The following ITGAM variants were observed in gnomAD, a reference collection of about 807,000 sequenced individuals.
The protein encoded by ITGAM is integrin subunit alpha M.
In ITGAM, 79 loss-of-function variants were observed where a neutral mutation model predicts 137.5. The ratio of observed to expected loss-of-function variants is 0.57; its 90% CI spans 0.48 to 0.69. The LOEUF (loss-of-function observed/expected upper bound fraction) is 0.69. ITGAM is among the 30% of genes least tolerant of loss of function. The pLI, the probability that ITGAM is intolerant of heterozygous loss-of-function variation, is 0.00. For synonymous variants in ITGAM, 583 were observed against 592.3 expected (o/e 0.98, Z 0.23); for missense variants, 1,343 against 1,483.5 (o/e 0.91, Z 1.56).
intron 14 of ITGAM, among the ~76,000 whole-genome samples, chr16:31,302,479 CTTTCTT>C (rs2080215383): frequency 8.5e-5 from 7 of 81,914 alleles, no homozygotes; most frequent in African/African-American, 3.6e-4. Context: ...TTCTTTCTTT[CTTTCTT>C]TTTTCTTTCC....
At chr16:31,265,225 T>A (rs2079750909) in intron 2 of ITGAM, among the ~76,000 whole-genome samples, 170 bp from the exon 3 acceptor site, 1 of 151,560 alleles carries the variant, frequency 6.6e-6, no homozygotes, top group African/African-American at 2.4e-5. Flanking sequence ...TTTCTCATTC[T>A]GAGTCTTAAC....
chr16:31,311,333 C>T (rs2080328165), intron 14 of ITGAM, among the ~76,000 whole-genome samples: 1 of 152,188 alleles, frequency 6.6e-6, no homozygotes, highest in African/African-American at 2.4e-5. Flanking sequence ...AAACTACCAT[C>T]AGAGTGAACA....
At chr16:31,265,597 C>T (rs1178019842) in intron 3 of ITGAM, 99 bp downstream of exon 3, 41 of 849,378 alleles carry the variant, frequency 4.8e-5, no homozygotes, top group Non-Finnish European at 6.8e-5. Context: ...GGTGGGGACA[C>T]AGGTGCCTGC....
At position 31,309,605 on chromosome 16, in the gene ITGAM, C is replaced by G. The variant is rs552717400; in HGVS notation, c.1708-11636C>G. ...CACTGATGGGTCTTGACTCTTTATCCAATTTGCCAGTCTGTGCCTTTTAAT... is the reference window on the plus strand; with the variant it reads ...CACTGATGGGTCTTGACTCTTTATCGAATTTGCCAGTCTGTGCCTTTTAAT... On this transcript the variant is annotated intron_variant, in intron 14 of 29. Transcript: ENST00000544665. Among the ~76,000 whole-genome samples the G allele has an allele frequency of 1.9e-3, 294 of 152,172 alleles. 6 individuals carry two copies. Among genetic ancestry groups the G allele is most frequent in the African/African-American group, 6.9e-3 (285 of 41,512 alleles).
intron 28 of ITGAM, among the ~76,000 whole-genome samples, 156 bp downstream of exon 28, chr16:31,330,761 CAG>C (rs1210353775): frequency 4.0e-5 from 6 of 150,914 alleles, no homozygotes; most frequent in South Asian, 2.1e-4. Flanking sequence ...GAGAGACAGA[CAG>C]AGACAGAGAG....
intron 23 of ITGAM, 174 bp from the exon 24 acceptor site, chr16:31,329,050 CTGTG>C (rs1213856599): frequency 1.7e-6 from 1 of 578,758 alleles, no homozygotes; most frequent in South Asian, 1.6e-5. Flanking sequence ...TGGGCACGCA[CTGTG>C]TGTCCAGCAC....
chr16:31,325,424 G>C lies in ITGAM; in HGVS notation c.2505+20G>C, dbSNP rs1252744562. On this transcript the variant is annotated intron_variant, in intron 20 of 29. Transcript: ENST00000544665. ...CTCCAGGTAGCCACATCCTTCTCAG[G>C]CTCTATCTGACCTTTGCTTCCCCAT... is the stretch of plus-strand genomic sequence containing the variant. 1 of 1,612,560 alleles carries C rather than the reference G, an allele frequency of 6.2e-7. No homozygotes were observed. The highest frequency in any genetic ancestry group is 1.7e-5 in the Admixed American group (1 of 59,926).
At chr16:31,316,110 C>G (rs1249960484) in intron 14 of ITGAM, among the ~76,000 whole-genome samples, 5 of 7,104 alleles carry the variant, frequency 7.0e-4, no homozygotes, top group Admixed American at 1.5e-3. Flanking sequence ...AGGAGAATGG[C>G]GTGAACCCGG....
intron 6 of ITGAM, among the ~76,000 whole-genome samples, chr16:31,271,414 G>A (rs1029765052): frequency 1.6e-4 from 25 of 152,194 alleles, no homozygotes; most frequent in African/African-American, 3.4e-4. Context: ...GTGCAGTGGT[G>A]TGATCTTGGC....
chr16:31,329,039 A>C, intron 23 of ITGAM, 189 bp from the exon 24 acceptor site: 1 of 646,296 alleles, frequency 1.5e-6, no homozygotes, highest in Non-Finnish European at 2.8e-6. Context: ...AGTGGCCCAA[A>C]TGGGCACGCA....
intron 5 of ITGAM, among the ~76,000 whole-genome samples, chr16:31,270,130 C>CT (rs770982735): frequency 2.5e-4 from 23 of 90,834 alleles, no homozygotes; most frequent in East Asian, 1.1e-3. Flanking sequence ...TCCTTCCTTC[C>CT]TCCTTTGCTT....
intron 2 of ITGAM, among the ~76,000 whole-genome samples, chr16:31,264,102 C>T (rs1054637260): frequency 6.6e-6 from 1 of 151,958 alleles, no homozygotes; most frequent in African/African-American, 2.4e-5. Flanking sequence ...TCCCAAAGTG[C>T]AGGGATTACA....
At chr16:31,261,618 A>G (rs1467777509) in intron 1 of ITGAM, 74 bp from the exon 2 acceptor site, 2 of 926,188 alleles carry the variant, frequency 2.2e-6, no homozygotes, top group South Asian at 1.4e-5. Context: ...TCAGCCCTCC[A>G]AAGTGCTAGG....
At chr16:31,299,844 TCTCCTCCTCCTC>T (rs148409269) in intron 14 of ITGAM, among the ~76,000 whole-genome samples, 1 of 110,240 alleles carries the variant, frequency 9.1e-6, no homozygotes, top group Non-Finnish European at 1.8e-5. Flanking sequence ...GTCGTCCTCC[TCTCCTCCTCCTC>T]CTCCTCCTCC....
rs942256051 is a variant in ITGAM at position 31,304,945 on chromosome 16, C to CT, written c.1707+7000dup. ...TAGTATTGCTTTGGCTATTTGGGCT[C>CT]TTTTTTTTTGTTCCATATGAGTTTT... On this transcript the variant is annotated intron_variant, in intron 14 of 29. Coordinates refer to ENST00000544665, the MANE Select transcript of ITGAM (RefSeq NM_000632.4). Among the ~76,000 whole-genome samples, 462 of 150,752 alleles carry CT rather than the reference C, an allele frequency of 3.1e-3. 1 individual carries two copies. Among genetic ancestry groups the CT allele is most frequent in the African/African-American group, 0.01 (429 of 41,108 alleles).
intron 5 of ITGAM, among the ~76,000 whole-genome samples, chr16:31,269,466 C>T (rs2079805161): frequency 6.6e-6 from 1 of 152,086 alleles, no homozygotes; most frequent in Admixed American, 6.6e-5. Context: ...TAAGTGTCTC[C>T]CAAAGTTAGC....
chr16:31,288,833 G>T (rs1222127707), intron 12 of ITGAM, among the ~76,000 whole-genome samples: 2 of 152,110 alleles, frequency 1.3e-5, no homozygotes, highest in African/African-American at 4.8e-5. Flanking sequence ...CCTACAGAAT[G>T]GGAGAAAATT....
At chr16:31,280,411 A>C (rs968990409) in intron 12 of ITGAM, among the ~76,000 whole-genome samples, 4 of 151,984 alleles carry the variant, frequency 2.6e-5, no homozygotes, top group Non-Finnish European at 4.4e-5. Context: ...CTTTTATTTC[A>C]TTGAGCAGTG....
intron 14 of ITGAM, among the ~76,000 whole-genome samples, chr16:31,316,051 G>A (rs62051482): frequency 0.86 from 42,860 of 50,056 alleles, 18,409 homozygotes; most frequent in East Asian, 0.99. Context: ...AAAATTAGCC[G>A]GGCGCGGTGG....
Sources: allele counts gnomAD v4.1 joint callset (sites outside exome capture counted in the v4.1 genomes callset), GRCh38; gene constraint gnomAD v4.1.1; transcripts MANE v1.5; gene names NCBI Gene and HGNC (gene_info 2026-07-23, HGNC 2026-07-21).